HS2ST1: variants seen among roughly 807,000 people sequenced by gnomAD.
HS2ST1 encodes 2-O-sulfotransferase.
A neutral mutation model predicts 42.9 loss-of-function variants in HS2ST1; 18 were observed. The ratio of observed to expected loss-of-function variants is 0.42; its 90% CI spans 0.29 to 0.62. The LOEUF (loss-of-function observed/expected upper bound fraction) is 0.62, where lower values mean the gene tolerates loss of function less well. HS2ST1 is among the 20% of genes least tolerant of loss of function. HS2ST1 has a pLI of 0.21. For synonymous variants in HS2ST1, 146 were observed against 152.9 expected, an observed-to-expected ratio of 0.95 and a Z score of 0.33; for missense variants, 334 against 433.8, an observed-to-expected ratio of 0.77 and a Z score of 2.04.
At chr1:87,025,247 G>T (rs763808417) in intron 1 of HS2ST1, among the ~76,000 whole-genome samples, 7 of 152,202 alleles carry the variant, frequency 4.6e-5, no homozygotes, top group Non-Finnish European at 1.0e-4. Flanking sequence ...CCTGCCTGGC[G>T]GCTGTTGCTA....
At chr1:86,915,477 G>A (rs1334053783) in intron 1 of HS2ST1, among the ~76,000 whole-genome samples, 1 of 152,174 alleles carries the variant, frequency 6.6e-6, no homozygotes, top group East Asian at 1.9e-4. Context: ...GGGAGCGTGT[G>A]TTGCTGGTCT....
At chr1:87,036,255 G>A (rs9970318) in intron 1 of HS2ST1, among the ~76,000 whole-genome samples, 137,693 of 152,160 alleles carry the variant, frequency 0.9, 62,566 homozygotes, top group East Asian at 0.99. Context: ...CAGTGCTGCA[G>A]TAAACATACA....
At chr1:87,047,133 G>C (rs1426131518) in intron 1 of HS2ST1, among the ~76,000 whole-genome samples, 1 of 152,046 alleles carries the variant, frequency 6.6e-6, no homozygotes. Context: ...CGGTATGACC[G>C]GTCTTCAGTT....
At chr1:86,915,260 G>A in intron 1 of HS2ST1, 100 bp downstream of exon 1, 1 of 1,379,164 alleles carries the variant, frequency 7.3e-7, no homozygotes, top group Non-Finnish European at 9.7e-7. Context: ...GGTCTGGCTC[G>A]GGGGCTGAAA....
At chr1:86,933,793 C>A (rs148268807) in intron 1 of HS2ST1, among the ~76,000 whole-genome samples, 5 of 150,654 alleles carry the variant, frequency 3.3e-5, no homozygotes, top group African/African-American at 1.2e-4. Context: ...GCCTAGAGGC[C>A]TATCTGGCTA....
In HS2ST1 at chr1:87,107,013, A is replaced by G. The variant is rs1652339962; in HGVS notation, c.*2317A>G. 6.6e-6 allele frequency: 1 copy of G among 152,074 alleles called. No individual in the cohort carries two copies. Among genetic ancestry groups the G allele is most frequent in the African/African-American group, 2.4e-5 (1 of 41,444 alleles). The allele number at this position is 152,074 out of a possible 1,614,324, so 9.4% of individuals were successfully genotyped here. A position where few individuals can be genotyped will look rare whatever the true frequency, so the allele number is the denominator to read the frequency against. On this transcript the variant is annotated 3_prime_UTR_variant, in exon 7 of 7. Coordinates refer to ENST00000370550, the MANE Select transcript of HS2ST1 (RefSeq NM_012262.4). ...AGCTAGTCAACCCTGCCATTTTACC[A>G]CAAAAGCAGCAATAGACATTATGTA...
At chr1:87,094,389 C>A (rs1235465179) in intron 4 of HS2ST1, among the ~76,000 whole-genome samples, 2 of 151,944 alleles carry the variant, frequency 1.3e-5, no homozygotes, top group Non-Finnish European at 2.9e-5. Flanking sequence ...TGCACCATAC[C>A]AAGCAGTGTT....
intron 1 of HS2ST1, among the ~76,000 whole-genome samples, chr1:86,978,005 T>G (rs1293929866): frequency 6.6e-6 from 1 of 152,188 alleles, no homozygotes; most frequent in Non-Finnish European, 1.5e-5. Flanking sequence ...CCTAATGACA[T>G]TATACCTGTC....
At chr1:86,979,211 G>A (rs773074620) in intron 1 of HS2ST1, among the ~76,000 whole-genome samples, 6 of 151,988 alleles carry the variant, frequency 3.9e-5, no homozygotes, top group Admixed American at 1.3e-4. Context: ...TAAAATATAC[G>A]TAAAACTTGT....
intron 1 of HS2ST1, among the ~76,000 whole-genome samples, chr1:86,936,960 C>T (rs1028279449): frequency 6.8e-5 from 10 of 146,478 alleles, no homozygotes; most frequent in African/African-American, 2.6e-4. Flanking sequence ...AAAAAATTAG[C>T]CGGGCATGGT....
intron 1 of HS2ST1, among the ~76,000 whole-genome samples, chr1:87,010,734 A>G (rs1649574881): frequency 6.6e-6 from 1 of 152,066 alleles, no homozygotes; most frequent in Admixed American, 6.6e-5. Context: ...ATAAAAGCAT[A>G]TAAAGACACA....
chr1:86,980,960 T>C (rs1648560968), intron 1 of HS2ST1, among the ~76,000 whole-genome samples: 2 of 152,174 alleles, frequency 1.3e-5, no homozygotes, highest in South Asian at 4.1e-4. Flanking sequence ...AAAAAACACC[T>C]GAGACTGGAT....
intron 1 of HS2ST1, among the ~76,000 whole-genome samples, chr1:86,961,755 T>TA (rs1454726790): frequency 6.6e-6 from 1 of 152,116 alleles, no homozygotes; most frequent in Non-Finnish European, 1.5e-5. Context: ...CTCCATTAGG[T>TA]AATCATTCCC....
intron 1 of HS2ST1, among the ~76,000 whole-genome samples, chr1:86,985,431 C>CACACATATAT (rs1171071314): frequency 6.4e-5 from 3 of 46,910 alleles, no homozygotes; most frequent in African/African-American, 9.7e-5. Flanking sequence ...CACATATATA[C>CACACATATAT]ACACATATAT....
chr1:87,027,700 C>T (rs1459686547), intron 1 of HS2ST1, among the ~76,000 whole-genome samples: 10 of 151,810 alleles, frequency 6.6e-5, no homozygotes, highest in African/African-American at 2.4e-4. Context: ...GATGTTTTTT[C>T]TTTTTTTGAG....
At chr1:86,993,719 A>G (rs1649022362) in intron 1 of HS2ST1, among the ~76,000 whole-genome samples, 1 of 152,232 alleles carries the variant, frequency 6.6e-6, no homozygotes, top group South Asian at 2.1e-4. Flanking sequence ...TGCTGTACCT[A>G]TCACTTGGGA....
At chr1:86,964,445 G>A (rs937762661) in intron 1 of HS2ST1, among the ~76,000 whole-genome samples, 38 of 152,234 alleles carry the variant, frequency 2.5e-4, no homozygotes, top group Admixed American at 3.9e-4. Context: ...AGACCAGCCC[G>A]GCCAACACAG....
intron 1 of HS2ST1, among the ~76,000 whole-genome samples, chr1:87,060,422 A>G (rs1453113055): frequency 6.6e-6 from 1 of 152,198 alleles, no homozygotes; most frequent in Non-Finnish European, 1.5e-5. Flanking sequence ...AAAATCTCAG[A>G]CAATCAGTAT....
chr1:86,932,602 A>G (rs989410294), intron 1 of HS2ST1: 2 of 152,230 alleles, frequency 1.3e-5, no homozygotes, highest in Non-Finnish European at 1.5e-5. Flanking sequence ...GATTTAATAA[A>G]TAGTGGTACC....
Sources: gnomAD v4.1 joint callset for allele counts (sites outside exome capture counted in the v4.1 genomes callset) on GRCh38, gnomAD v4.1.1 for gene constraint, MANE v1.5 for transcripts, NCBI Gene and HGNC (gene_info 2026-07-23, HGNC 2026-07-21) for gene names.